The following ESR2 variants were observed in gnomAD, a reference collection of about 807,000 sequenced individuals.
The protein encoded by ESR2 is estrogen receptor 2, also known as estrogen receptor beta.
A neutral mutation model predicts 49.6 loss-of-function variants in ESR2; 36 were observed. The ratio of observed to expected loss-of-function variants is 0.73; its 90% CI spans 0.56 to 0.96. The LOEUF is 0.96. Among genes scored for constraint, ESR2 ranks in the 40% least tolerant of loss-of-function variants. The pLI is 0.00. For synonymous variants in ESR2, 320 were observed against 266.1 expected, an observed-to-expected ratio of 1.20 and a Z score of -1.97; for missense variants, 714 against 693.0, an observed-to-expected ratio of 1.03 and a Z score of -0.34.
chr14:64,246,757 A>C (rs1009088396), intron 7 of ESR2, among the ~76,000 whole-genome samples: 11 of 148,432 alleles, frequency 7.4e-5, no homozygotes, highest in Non-Finnish European at 1.3e-4. Context: ...AAAAAAAAAA[A>C]AAAAAAAAAA....
intron 6 of ESR2, among the ~76,000 whole-genome samples, chr14:64,253,069 T>G (rs1384604540): frequency 6.6e-6 from 1 of 152,162 alleles, no homozygotes; most frequent in African/African-American, 2.4e-5. Context: ...TTGGCCAGGC[T>G]GGTCTTGAAC....
intron 3 of ESR2, among the ~76,000 whole-genome samples, chr14:64,277,364 A>G (rs903268894): frequency 4.6e-5 from 7 of 152,092 alleles, no homozygotes; most frequent in Non-Finnish European, 1.0e-4. Context: ...GGTGGCTCAC[A>G]CCTGTAATCC....
intron 1 of ESR2, among the ~76,000 whole-genome samples, chr14:64,328,507 A>G (rs945639284): frequency 1.3e-5 from 2 of 152,216 alleles, no homozygotes; most frequent in Non-Finnish European, 2.9e-5. Context: ...ATCCTTTTTA[A>G]GAAGACATTT....
At chr14:64,316,379 T>A (rs927518563) in intron 1 of ESR2, among the ~76,000 whole-genome samples, 5 of 152,196 alleles carry the variant, frequency 3.3e-5, no homozygotes, top group African/African-American at 1.2e-4. Flanking sequence ...TGGAGAATTC[T>A]ATCAAATCTT....
At chr14:64,307,635 C>T (rs866651273) in intron 1 of ESR2, among the ~76,000 whole-genome samples, 4 of 151,718 alleles carry the variant, frequency 2.6e-5, no homozygotes, top group Non-Finnish European at 4.4e-5. Flanking sequence ...CCTGGGTTCA[C>T]GCCATTCTCC....
At chr14:64,253,830 A>C (rs751291314) in intron 6 of ESR2, among the ~76,000 whole-genome samples, 7 of 152,180 alleles carry the variant, frequency 4.6e-5, no homozygotes, top group Admixed American at 6.5e-5. Context: ...ACCTATCTGC[A>C]AATGTCCACA....
chr14:64,258,412 A>G (rs2140717273), intron 5 of ESR2, among the ~76,000 whole-genome samples: 1 of 152,222 alleles, frequency 6.6e-6, no homozygotes, highest in African/African-American at 2.4e-5. Flanking sequence ...TATAAATATG[A>G]TAACAAAAGA....
upstream of ESR2, among the ~76,000 whole-genome samples, chr14:64,295,543 C>T (rs2076945551): frequency 6.6e-6 from 1 of 152,174 alleles, no homozygotes; most frequent in South Asian, 2.1e-4. Context: ...CCTGGTTTCT[C>T]TCAGGTTGAA....
intron 7 of ESR2, among the ~76,000 whole-genome samples, chr14:64,239,779 A>G (rs912865806): frequency 2.6e-5 from 4 of 152,226 alleles, no homozygotes; most frequent in Non-Finnish European, 5.9e-5. Flanking sequence ...TAAGTATGAT[A>G]CAGGAATTCC....
In ESR2 at chr14:64,231,467, ACTGC is replaced by A. The variant is rs1217985174; in HGVS notation, c.*1666_*1669del. 3 of 152,228 alleles carry A rather than the reference ACTGC, an allele frequency of 2.0e-5. No homozygotes were observed. The highest frequency in any genetic ancestry group is 4.4e-5 in the Non-Finnish European group (3 of 68,042). The allele number at this position is 152,228 out of a possible 1,614,324, so 9.4% of individuals were successfully genotyped here. On this transcript the variant is annotated 3_prime_UTR_variant, in exon 9 of 9. Transcript: ENST00000341099. ...ACTGAGTCTCTAAGAATAACTTCAG[ACTGC>A]CTCAGAACACAGACATCAGTGTGTT... is the stretch of plus-strand genomic sequence containing the variant.
At chr14:64,279,533 C>G (rs1172031021) in intron 3 of ESR2, among the ~76,000 whole-genome samples, 2 of 152,188 alleles carry the variant, frequency 1.3e-5, no homozygotes, top group Non-Finnish European at 2.9e-5. Context: ...TCCACTGTAG[C>G]TGAATTCCTG....
At chr14:64,291,713 C>T (rs754755537) in intron 1 of ESR2, among the ~76,000 whole-genome samples, 1 of 152,128 alleles carries the variant, frequency 6.6e-6, no homozygotes, top group Non-Finnish European at 1.5e-5. Flanking sequence ...ATCCTGACAT[C>T]TACAAATAAG....
intron 7 of ESR2, among the ~76,000 whole-genome samples, chr14:64,249,251 C>G (rs1477972003): frequency 2.0e-5 from 3 of 152,024 alleles, no homozygotes; most frequent in East Asian, 3.8e-4. Context: ...TGTGTGAGCA[C>G]TGAAAAAAGT....
chr14:64,281,474 A>G (rs1255784733), intron 2 of ESR2, among the ~76,000 whole-genome samples: 2 of 152,184 alleles, frequency 1.3e-5, no homozygotes, highest in Non-Finnish European at 2.9e-5. Flanking sequence ...CCATTACTTT[A>G]AAAAAGTTAT....
Position 64,249,702 on chromosome 14 carries a change from T to G in ESR2, c.1092-23A>C, listed in dbSNP as rs776023335. 18 of 1,599,780 alleles carry G rather than the reference T, an allele frequency of 1.1e-5. No homozygotes were observed. The African/African-American group carries it at 2.4e-4, about 22-fold the overall frequency. On this transcript the variant is annotated intron_variant, in intron 6 of 8. Coordinates refer to ENST00000341099, the MANE Select transcript of ESR2 (RefSeq NM_001437.3). ...TCCCTACAAAAGTTCGTTTGGAAAT[T>G]TAAGGAACATAGCTTCAGGAAACCA...
rs893334823 is a variant in ESR2 at position 64,323,754 on chromosome 14, C to T, written c.-91+14144G>A. 3.3e-5 allele frequency among the ~76,000 whole-genome samples: 5 copies of T among 152,222 alleles called. No individual in the cohort carries two copies. In the South Asian group the frequency reaches 6.2e-4, roughly 19 times the overall value. On this transcript the variant is annotated intron_variant, in intron 1 of 8. Coordinates refer to the ESR2 transcript ENST00000358599. ...TCGCCTAAGCTGGAGTGCAGTGGCA[C>T]GATCTCAGCTCACTGCAACCTCCAC...
chr14:64,302,705 C>T (rs2077040747), intron 1 of ESR2, among the ~76,000 whole-genome samples: 1 of 152,192 alleles, frequency 6.6e-6, no homozygotes, highest in African/African-American at 2.4e-5. Context: ...TTATCATCCC[C>T]ACTTTACAGG....
intron 1 of ESR2, among the ~76,000 whole-genome samples, chr14:64,292,524 C>T (rs1253953206): frequency 6.6e-6 from 1 of 152,128 alleles, no homozygotes; most frequent in African/African-American, 2.4e-5. Context: ...ATGTGCTAGA[C>T]ACTGAATTAT....
chr14:64,280,960 G>A (rs960927425), intron 2 of ESR2, among the ~76,000 whole-genome samples: 1 of 152,182 alleles, frequency 6.6e-6, no homozygotes, highest in African/African-American at 2.4e-5. Flanking sequence ...AGTGAGCCAA[G>A]ACTGTGCCAC....
Sources: gnomAD v4.1 joint callset for allele counts (sites outside exome capture counted in the v4.1 genomes callset) on GRCh38, gnomAD v4.1.1 for gene constraint, MANE v1.5 for transcripts, NCBI Gene and HGNC (gene_info 2026-07-23, HGNC 2026-07-21) for gene names.